GRIA4: variants seen among roughly 807,000 people sequenced by gnomAD.
GRIA4 encodes glutamate receptor 4.
A neutral mutation model predicts 104.0 loss-of-function variants in GRIA4; 34 were observed. The observed-to-expected ratio is 0.33, with a 90% CI of 0.25 to 0.44. GRIA4 has a LOEUF of 0.44. Ranked by LOEUF, GRIA4 falls within the 20% of genes least tolerant of loss-of-function variation. The pLI, the probability that GRIA4 is intolerant of heterozygous loss-of-function variation, is 1.00. For synonymous variants in GRIA4, 386 were observed against 381.9 expected, an observed-to-expected ratio of 1.01 and a Z score of -0.13; for missense variants, 750 against 1,096.5, an observed-to-expected ratio of 0.68 and a Z score of 4.46.
chr11:105,934,078 T>C, intron 14 of GRIA4, 109 bp downstream of exon 14: 2 of 948,326 alleles, frequency 2.1e-6, no homozygotes, highest in Admixed American at 3.0e-5. Context: ...TATGTTTGTT[T>C]GTTTGTTTTC....
intron 4 of GRIA4, among the ~76,000 whole-genome samples, chr11:105,801,869 T>G (rs147094550): frequency 6.6e-6 from 1 of 152,114 alleles, no homozygotes; most frequent in Non-Finnish European, 1.5e-5. Context: ...TAAAATACTT[T>G]GTAATACCAA....
chr11:105,904,915 A>G (rs1320319563), intron 8 of GRIA4, among the ~76,000 whole-genome samples: 1 of 152,188 alleles, frequency 6.6e-6, no homozygotes, highest in Non-Finnish European at 1.5e-5. Context: ...AAAATACTTT[A>G]CAATTGAGGG....
chr11:105,664,295 C>G (rs1297186953), intron 3 of GRIA4, among the ~76,000 whole-genome samples: 1 of 149,444 alleles, frequency 6.7e-6, no homozygotes, highest in Non-Finnish European at 1.5e-5. Context: ...ATGAAGGGCC[C>G]TAGGATCAAA....
intron 3 of GRIA4, among the ~76,000 whole-genome samples, chr11:105,751,124 G>C (rs977246701): frequency 1.3e-5 from 2 of 152,128 alleles, no homozygotes; most frequent in Non-Finnish European, 2.9e-5. Flanking sequence ...TAAAAGCCAG[G>C]ATCTTAGGTT....
chr11:105,785,698 G>A (rs906012533), intron 4 of GRIA4, among the ~76,000 whole-genome samples: 7 of 152,014 alleles, frequency 4.6e-5, no homozygotes, highest in South Asian at 2.1e-4. Context: ...TTGGATAGAC[G>A]ACATTTCTAA....
intron 3 of GRIA4, among the ~76,000 whole-genome samples, chr11:105,647,985 A>C (rs1047208037): frequency 6.6e-6 from 1 of 151,758 alleles, no homozygotes. Context: ...TAAATAAATA[A>C]ATAAATAGTC....
At chr11:105,954,164 T>C (rs908551342) in intron 14 of GRIA4, among the ~76,000 whole-genome samples, 1 of 152,144 alleles carries the variant, frequency 6.6e-6, no homozygotes, top group East Asian at 1.9e-4. Context: ...AGAGCCCTCA[T>C]AGAAGCCAAA....
intron 5 of GRIA4, among the ~76,000 whole-genome samples, chr11:105,866,461 G>A (rs1470203668): frequency 6.7e-6 from 1 of 149,794 alleles, no homozygotes; most frequent in Non-Finnish European, 1.5e-5. Flanking sequence ...GTGTGTGTGT[G>A]ACACTGCATA....
chr11:105,648,920 C>T (rs1384068163), intron 3 of GRIA4, among the ~76,000 whole-genome samples: 4 of 152,094 alleles, frequency 2.6e-5, no homozygotes, highest in East Asian at 1.9e-4. Flanking sequence ...GAGAAGCTAA[C>T]GGATTTTCTC....
chr11:105,705,071 TC>T (rs1356177331), intron 3 of GRIA4, among the ~76,000 whole-genome samples: 1 of 152,070 alleles, frequency 6.6e-6, no homozygotes, highest in African/African-American at 2.4e-5. Context: ...GACAACAAAG[TC>T]AGTGGAATAG....
At position 105,847,127 on chromosome 11, in the gene GRIA4, A is replaced by C. The variant is rs1024393289; in HGVS notation, c.488-14897A>C. Among the ~76,000 whole-genome samples the C allele has an allele frequency of 1.7e-4, 26 of 152,066 alleles. 1 individual carries two copies. The highest frequency in any genetic ancestry group is 7.4e-5 in the Non-Finnish European group (5 of 68,008). ...TTGGCACCGGGGACCGGTTTCCTGG[A>C]AGACAATTTTTCCAGGAAAATTGGG... On this transcript the variant is annotated intron_variant, in intron 4 of 16. Transcript: ENST00000282499.
chr11:105,890,379 C>G (rs1179825920), intron 6 of GRIA4, among the ~76,000 whole-genome samples: 2 of 152,120 alleles, frequency 1.3e-5, no homozygotes, highest in Non-Finnish European at 2.9e-5. Context: ...AGCTGAAATA[C>G]AGAAAGCAGA....
chr11:105,610,862 T>G (rs1950453726), intron 1 of GRIA4, 46 bp from the exon 2 acceptor site: 1 of 533,222 alleles, frequency 1.9e-6, no homozygotes, highest in Admixed American at 4.2e-5. Context: ...CTTTCTTTTC[T>G]TTCTTTTCTT....
intron 4 of GRIA4, among the ~76,000 whole-genome samples, chr11:105,760,108 C>T (rs207472304): frequency 6.6e-6 from 1 of 152,138 alleles, no homozygotes; most frequent in African/African-American, 2.4e-5. Flanking sequence ...ATTTGTATCA[C>T]AAAACTCATT....
At chr11:105,658,192 A>G (rs1345224062) in intron 3 of GRIA4, among the ~76,000 whole-genome samples, 3 of 151,820 alleles carry the variant, frequency 2.0e-5, no homozygotes, top group African/African-American at 7.2e-5. Flanking sequence ...CTATTATTGA[A>G]ATAGGTATAG....
At chr11:105,914,060 AT>A (rs1947332451) in intron 10 of GRIA4, among the ~76,000 whole-genome samples, 8 of 151,780 alleles carry the variant, frequency 5.3e-5, no homozygotes, top group Admixed American at 2.6e-4. Context: ...TATAAAATGT[AT>A]TATATATATA....
intron 3 of GRIA4, among the ~76,000 whole-genome samples, chr11:105,701,202 C>A (rs1346716133): frequency 6.6e-6 from 1 of 152,180 alleles, no homozygotes; most frequent in Non-Finnish European, 1.5e-5. Context: ...GGATTTGCCA[C>A]ACAGTGATGA....
chr11:105,816,285 A>C (rs1943372222), intron 4 of GRIA4, among the ~76,000 whole-genome samples: 1 of 152,142 alleles, frequency 6.6e-6, no homozygotes. Flanking sequence ...TCATAGTGAA[A>C]TGTAATTCCC....
intron 4 of GRIA4, among the ~76,000 whole-genome samples, chr11:105,764,305 T>G (rs1272608716): frequency 6.6e-6 from 1 of 151,986 alleles, no homozygotes; most frequent in East Asian, 1.9e-4. Flanking sequence ...CCCAGCTAAT[T>G]TTTTTGTATT....
Sources: allele counts gnomAD v4.1 joint callset (sites outside exome capture counted in the v4.1 genomes callset), GRCh38; gene constraint gnomAD v4.1.1; transcripts MANE v1.5; gene names NCBI Gene and HGNC (gene_info 2026-07-23, HGNC 2026-07-21).